ARHGEF26: variants seen among roughly 807,000 people sequenced by gnomAD.
The protein encoded by ARHGEF26 is Rho guanine nucleotide exchange factor (GEF) 26.
A neutral mutation model predicts 89.4 loss-of-function variants in ARHGEF26; 59 were observed. That is an observed-to-expected ratio of 0.66 (90% CI 0.54 to 0.82). The LOEUF (loss-of-function observed/expected upper bound fraction) is 0.82, where lower values mean the gene tolerates loss of function less well. ARHGEF26 is among the 40% of genes least tolerant of loss of function. The pLI is 0.00. For synonymous variants in ARHGEF26, 500 were observed against 428.4 expected (o/e 1.17, Z -2.06); for missense variants, 1,234 against 1,085.6 (o/e 1.14, Z -1.92).
intron 9 of ARHGEF26, among the ~76,000 whole-genome samples, chr3:154,204,495 T>A: frequency 6.6e-6 from 1 of 151,826 alleles, no homozygotes; most frequent in South Asian, 2.1e-4. Context: ...CCTGGCTAAT[T>A]TTTGTATTAC....
intron 8 of ARHGEF26, 107 bp from the exon 9 acceptor site, chr3:154,194,537 C>T (rs747290731): frequency 1.3e-5 from 10 of 744,616 alleles, no homozygotes; most frequent in Non-Finnish European, 2.0e-5. Context: ...TCCGTAATAT[C>T]GTGTTTGGCA....
intron 9 of ARHGEF26, among the ~76,000 whole-genome samples, chr3:154,200,032 ATACTT>A (rs1304304648): frequency 6.6e-6 from 1 of 151,866 alleles, no homozygotes; most frequent in African/African-American, 2.4e-5. Flanking sequence ...TGTTGACTCT[ATACTT>A]TGCTCTGCAG....
In ARHGEF26 at chr3:154,191,413, A is replaced by G. The variant is rs918886280; in HGVS notation, c.1765A>G (p.Met589Val). Residue 589 changes from methionine (M) to valine (V), a missense_variant, in exon 8 of 15, where the codon ATG becomes GTG. Met to Val is a conservative substitution (Grantham distance 21). Transcript: ENST00000465093. ...MQRVTRLPLL[M>V]DTICQKTPKD... is the part of the protein sequence containing the mutation. ...GAGGGTGACCCGCCTTCCCCTGCTG[A>G]TGGATGTAAGACATGACGGTGGCTT... is the stretch of plus-strand genomic sequence containing the variant. 4.3e-6 allele frequency: 7 copies of G among 1,613,556 alleles called. No individual in the cohort carries two copies.
chr3:154,221,541 T>C (rs914869394), intron 10 of ARHGEF26, among the ~76,000 whole-genome samples: 1 of 152,178 alleles, frequency 6.6e-6, no homozygotes, highest in East Asian at 1.9e-4. Flanking sequence ...TATAGTGTTG[T>C]TTGTAATAGT....
intron 6 of ARHGEF26, among the ~76,000 whole-genome samples, chr3:154,164,339 T>C (rs1442433487): frequency 6.6e-6 from 1 of 152,084 alleles, no homozygotes; most frequent in African/African-American, 2.4e-5. Context: ...TCTAATTGTT[T>C]TAAGGATGTG....
At chr3:154,137,163 T>A (rs1181267436) in intron 4 of ARHGEF26, among the ~76,000 whole-genome samples, 5 of 152,156 alleles carry the variant, frequency 3.3e-5, no homozygotes, top group Non-Finnish European at 7.3e-5. Context: ...AGTAATTAGA[T>A]CATGAGGGCT....
chr3:154,228,426 C>T lies in ARHGEF26; in HGVS notation c.2090+2416C>T, dbSNP rs545424467. Among the ~76,000 whole-genome samples, 9 of 150,670 alleles carry T rather than the reference C, an allele frequency of 6.0e-5. 1 individual carries two copies. The South Asian group carries it at 1.5e-3, about 25-fold the overall frequency. On this transcript the variant is annotated intron_variant, in intron 11 of 14. Coordinates refer to ENST00000465093, the MANE Select transcript of ARHGEF26 (RefSeq NM_015595.4). ...TGCTGGAATTAGAGGCGTGAGCCAC[C>T]GCACCTGGCCTTTTTTTTTTTTTCT...
chr3:154,157,118 G>T (rs1265513131), intron 6 of ARHGEF26, among the ~76,000 whole-genome samples: 1 of 152,086 alleles, frequency 6.6e-6, no homozygotes, highest in Non-Finnish European at 1.5e-5. Flanking sequence ...CTGTGTGTGT[G>T]TGTACGTATG....
chr3:154,176,283 G>A (rs1712812720), intron 6 of ARHGEF26, among the ~76,000 whole-genome samples: 1 of 152,230 alleles, frequency 6.6e-6, no homozygotes, highest in African/African-American at 2.4e-5. Flanking sequence ...AGGCTGGAGA[G>A]AATGTTTGGG....
At chr3:154,239,299 A>AGAGT (rs1182446964) in intron 11 of ARHGEF26, among the ~76,000 whole-genome samples, 86 of 64,328 alleles carry the variant, frequency 1.3e-3, no homozygotes, top group Non-Finnish European at 2.0e-3. Flanking sequence ...AGAGAGAGAG[A>AGAGT]GTGTGTGTGT....
rs551166386 is a variant in ARHGEF26, at chr3:154,219,316, C to A, written c.1935+1358C>A. On this transcript the variant is annotated intron_variant, in intron 10 of 14. Coordinates refer to ENST00000465093, the MANE Select transcript of ARHGEF26 (RefSeq NM_015595.4). ...TTACTTTAAGAAACTCTGTCTAGGC[C>A]GGGCGAGGTGGCTCATGCCTGTAAT... is the stretch of plus-strand genomic sequence containing the variant. Among the ~76,000 whole-genome samples, 6 of 152,148 alleles carry A rather than the reference C, an allele frequency of 3.9e-5. No homozygotes were observed. In the East Asian group the frequency reaches 1.2e-3, roughly 29 times the overall value.
chr3:154,160,169 A>G (rs1403652623), intron 6 of ARHGEF26, among the ~76,000 whole-genome samples: 1 of 152,186 alleles, frequency 6.6e-6, no homozygotes, highest in Non-Finnish European at 1.5e-5. Context: ...ATGACAAAGA[A>G]GTTTATTTGA....
chr3:154,211,833 A>G (rs540168236), intron 9 of ARHGEF26, among the ~76,000 whole-genome samples: 24 of 149,154 alleles, frequency 1.6e-4, no homozygotes, highest in African/African-American at 6.0e-4. Flanking sequence ...AATGACACCT[A>G]GAAAATAATG....
chr3:154,232,704 A>G (rs1194983946), intron 11 of ARHGEF26, among the ~76,000 whole-genome samples: 1 of 152,202 alleles, frequency 6.6e-6, no homozygotes, highest in Non-Finnish European at 1.5e-5. Flanking sequence ...TAAATGTATT[A>G]TCTCATTTAA....
intron 4 of ARHGEF26, among the ~76,000 whole-genome samples, chr3:154,149,109 C>T (rs1481429098): frequency 6.6e-6 from 1 of 152,110 alleles, no homozygotes; most frequent in Non-Finnish European, 1.5e-5. Flanking sequence ...TTGTTACCCC[C>T]ATCTGTGAAA....
intron 9 of ARHGEF26, among the ~76,000 whole-genome samples, chr3:154,213,076 A>G (rs1300524828): frequency 3.3e-5 from 5 of 152,160 alleles, no homozygotes; most frequent in Admixed American, 3.3e-4. Flanking sequence ...GTCCACATCC[A>G]CCAGTAGTAT....
intron 6 of ARHGEF26, among the ~76,000 whole-genome samples, chr3:154,184,910 T>G (rs962978707): frequency 2.6e-5 from 4 of 152,226 alleles, no homozygotes; most frequent in African/African-American, 9.6e-5. Flanking sequence ...TTCTGTGCCC[T>G]TGTTCCTCCT....
At position 154,234,648 on chromosome 3, in the gene ARHGEF26, C is replaced by T. The variant is rs1308857934; in HGVS notation, c.2091-5722C>T. Among the ~76,000 whole-genome samples the T allele has an allele frequency of 2.0e-5, 3 of 152,200 alleles. No individual in the cohort carries two copies. In the East Asian group the frequency reaches 5.8e-4, roughly 29 times the overall value. ...GTCACCTCTATATCCCCAGACATGT[C>T]TGTGTCAACTCGCAAACCCACTATT... On this transcript the variant is annotated intron_variant, in intron 11 of 14. Transcript: ENST00000465093.
intron 9 of ARHGEF26, among the ~76,000 whole-genome samples, chr3:154,202,837 C>T (rs1336027607): frequency 6.6e-6 from 1 of 150,654 alleles, no homozygotes; most frequent in Non-Finnish European, 1.5e-5. Context: ...GTGATTTTTG[C>T]ACATTGATTT....
Sources: allele counts gnomAD v4.1 joint callset (sites outside exome capture counted in the v4.1 genomes callset), GRCh38; gene constraint gnomAD v4.1.1; transcripts MANE v1.5; gene names NCBI Gene and HGNC (gene_info 2026-07-23, HGNC 2026-07-21).